Variants in QTGAL observed in about 807,000 individuals in gnomAD.
QTGAL encodes queuosine-tRNA galactosyltransferase.
the QTGAL span, among the ~76,000 whole-genome samples, chr17:83,038,095 T>C: frequency 6.6e-6 from 1 of 152,112 alleles, no homozygotes; most frequent in African/African-American, 2.4e-5. Context: ...TCGTAATAAG[T>C]GAATCAGCCC....
At chr17:83,033,586 C>T in the QTGAL span, among the ~76,000 whole-genome samples, 2 of 151,514 alleles carry the variant, frequency 1.3e-5, no homozygotes, top group Non-Finnish European at 2.9e-5. Context: ...ATTCCCCTGC[C>T]TCAGCCTCCC....
chr17:82,977,610 C>T, the QTGAL span, among the ~76,000 whole-genome samples: 1 of 152,192 alleles, frequency 6.6e-6, no homozygotes, highest in African/African-American at 2.4e-5. Flanking sequence ...AACTCGAAAC[C>T]CACCGCTGGT....
chr17:83,009,496 T>TC, the QTGAL span, among the ~76,000 whole-genome samples: 1 of 150,696 alleles, frequency 6.6e-6, no homozygotes, highest in Non-Finnish European at 1.5e-5. Context: ...ACGAGGTGAG[T>TC]CCCCCCACTG....
chr17:82,974,782 G>T, the QTGAL span, among the ~76,000 whole-genome samples: 5 of 152,230 alleles, frequency 3.3e-5, no homozygotes, highest in African/African-American at 1.2e-4. Flanking sequence ...TGGAACAGCG[G>T]CAGGAGGCAC....
At chr17:83,027,650 C>T in the QTGAL span, among the ~76,000 whole-genome samples, 5,375 of 127,794 alleles carry the variant, frequency 0.042, 143 homozygotes, top group African/African-American at 0.093. Context: ...TACAGTGAGT[C>T]GAGATTGGGC....
chr17:82,990,124 C>T, the QTGAL span, among the ~76,000 whole-genome samples: 3 of 152,268 alleles, frequency 2.0e-5, no homozygotes, highest in Non-Finnish European at 4.4e-5. Flanking sequence ...GTCTTCCATG[C>T]TGTGCTTCTG....
chr17:82,957,878 C>T, the QTGAL span, among the ~76,000 whole-genome samples: 1 of 152,214 alleles, frequency 6.6e-6, no homozygotes, highest in Non-Finnish European at 1.5e-5. Context: ...CCAGCGTTCA[C>T]ACTTGGACAC....
At chr17:83,035,928 C>T in the QTGAL span, among the ~76,000 whole-genome samples, 10 of 104,750 alleles carry the variant, frequency 9.5e-5, no homozygotes, top group East Asian at 3.3e-3. Context: ...GCGGTTTGCA[C>T]GTGTGTGATG....
chr17:82,970,591 CG>C, the QTGAL span, among the ~76,000 whole-genome samples: 8 of 134,056 alleles, frequency 6.0e-5, 2 homozygotes, highest in South Asian at 4.4e-4. Flanking sequence ...CCGCGACCTC[CG>C]CACCCGGCGT....
At chr17:83,023,861 G>C in the QTGAL span, among the ~76,000 whole-genome samples, 1 of 152,232 alleles carries the variant, frequency 6.6e-6, no homozygotes, top group African/African-American at 2.4e-5. Flanking sequence ...ACACTCACTA[G>C]CAGTGGGACA....
the QTGAL span, chr17:82,944,544 A>G: frequency 9.9e-5 from 15 of 152,028 alleles, no homozygotes; most frequent in African/African-American, 3.6e-4. Context: ...GGTGTTCAGA[A>G]AACCTCTCTG....
the QTGAL span, among the ~76,000 whole-genome samples, chr17:82,988,744 T>C: frequency 6.6e-6 from 1 of 152,128 alleles, no homozygotes; most frequent in African/African-American, 2.4e-5. Context: ...AACAAACATA[T>C]GATAAAAAGC....
the QTGAL span, among the ~76,000 whole-genome samples, chr17:82,986,245 G>T: frequency 1.3e-5 from 2 of 152,190 alleles, no homozygotes; most frequent in African/African-American, 4.8e-5. Context: ...GCTGCTCTGC[G>T]GCAGCCCGAC....
chr17:82,970,888 C>CG, the QTGAL span, among the ~76,000 whole-genome samples: 9 of 152,046 alleles, frequency 5.9e-5, no homozygotes, highest in African/African-American at 1.4e-4. Flanking sequence ...GCTGCCTTTG[C>CG]GGGGGGCCTC....
At chr17:82,980,184 TA>T in the QTGAL span, among the ~76,000 whole-genome samples, 1 of 152,112 alleles carries the variant, frequency 6.6e-6, no homozygotes, top group Non-Finnish European at 1.5e-5. Flanking sequence ...CAAAGCATAT[TA>T]AAAAAATACA....
chr17:83,046,854 C>T, the QTGAL span, among the ~76,000 whole-genome samples: 1 of 152,202 alleles, frequency 6.6e-6, no homozygotes, highest in Non-Finnish European at 1.5e-5. Flanking sequence ...ACACACAAAA[C>T]ATGGTACTTA....
chr17:83,002,494 A>G, the QTGAL span, among the ~76,000 whole-genome samples: 1 of 152,220 alleles, frequency 6.6e-6, no homozygotes, highest in Non-Finnish European at 1.5e-5. Context: ...TGTGCAGCCT[A>G]GTCACCAGGA....
chr17:82,951,096 A>G, the QTGAL span, among the ~76,000 whole-genome samples: 73 of 152,376 alleles, frequency 4.8e-4, no homozygotes, highest in Non-Finnish European at 1.2e-4. Context: ...ATAATGGAAC[A>G]CTAGGCATAG....
At chr17:82,999,407 C>G in the QTGAL span, among the ~76,000 whole-genome samples, 3 of 152,240 alleles carry the variant, frequency 2.0e-5, no homozygotes, top group Non-Finnish European at 2.9e-5. Flanking sequence ...ATCCACACCA[C>G]AGAACACAGC....
Sources: gnomAD v4.1 joint callset for allele counts (sites outside exome capture counted in the v4.1 genomes callset) on GRCh38, gnomAD v4.1.1 for gene constraint, MANE v1.5 for transcripts, NCBI Gene and HGNC (gene_info 2026-07-23, HGNC 2026-07-21) for gene names.